Variants in FIG4 observed in about 807,000 individuals in gnomAD.
The protein encoded by FIG4 is FIG4 phosphoinositide 5-phosphatase.
A neutral mutation model predicts 118.6 loss-of-function variants in FIG4; 112 were observed. That is an observed-to-expected ratio of 0.94 (90% confidence interval 0.81 to 1.11). The LOEUF (loss-of-function observed/expected upper bound fraction) is 1.11, where lower values mean the gene tolerates loss of function less well. Ranked by LOEUF, FIG4 falls within the 50% of genes least tolerant of loss-of-function variation. The probability of loss-of-function intolerance (pLI) is 0.00; values close to 1 mark genes in which losing one functional copy is unlikely to be tolerated. For synonymous variants in FIG4, 369 were observed against 381.2 expected, an observed-to-expected ratio of 0.97 and a Z score of 0.37; for missense variants, 969 against 1,111.7, an observed-to-expected ratio of 0.87 and a Z score of 1.83.
intron 3 of FIG4, 146 bp downstream of exon 3, chr6:109,716,714 C>T: frequency 2.1e-6 from 2 of 953,916 alleles, no homozygotes; most frequent in South Asian, 1.4e-5. Context: ...CATTATCCAT[C>T]AATCAGATAG....
chr6:109,825,051 T>G, intron 22 of FIG4, 37 bp from the exon 23 acceptor site: 1 of 1,592,746 alleles, frequency 6.3e-7, no homozygotes, highest in Non-Finnish European at 8.6e-7. Context: ...CCTTATATTT[T>G]CTTTAATGCA....
At chr6:109,744,579 T>G (rs1304305854) in intron 10 of FIG4, among the ~76,000 whole-genome samples, 1 of 152,054 alleles carries the variant, frequency 6.6e-6, no homozygotes, top group Non-Finnish European at 1.5e-5. Context: ...TAGATGAGTT[T>G]ACTGAAAAAC....
intron 21 of FIG4, among the ~76,000 whole-genome samples, chr6:109,795,100 T>G (rs915360003): frequency 4.4e-5 from 1 of 22,552 alleles, no homozygotes; most frequent in Non-Finnish European, 7.4e-5. Flanking sequence ...TGCCAGTTTT[T>G]TTTTTTTTTT....
chr6:109,731,941 T>C (rs1469994110), intron 4 of FIG4, among the ~76,000 whole-genome samples: 1 of 152,212 alleles, frequency 6.6e-6, no homozygotes, highest in African/African-American at 2.4e-5. Flanking sequence ...TTTGTAATGA[T>C]TTGCATACAT....
In FIG4 at chr6:109,825,147, A is replaced by G; in HGVS notation, c.2606A>G (p.Asp869Gly). 1 of 1,614,014 alleles carries G rather than the reference A, an allele frequency of 6.2e-7. No individual in the cohort carries two copies. The highest frequency in any genetic ancestry group is 8.5e-7 in the Non-Finnish European group (1 of 1,179,898). The part of the protein sequence containing the change: ...NIYEVQPPRV[D>G]RKSTEIFQAH... ...TATGAAGTTCAGCCCCCAAGAGTAG[A>G]CAGAAAATCTACAGAGATCTTCCAA... The change falls in exon 23 of 23, where the codon GAC becomes GGC. Residue 869 changes from aspartate to glycine, a missense_variant. By Grantham distance (94) the Asp-to-Gly change is moderately conservative. Coordinates refer to ENST00000230124, the MANE Select transcript of FIG4 (RefSeq NM_014845.6).
intron 10 of FIG4, among the ~76,000 whole-genome samples, chr6:109,755,597 C>T (rs951766163): frequency 6.6e-6 from 1 of 152,162 alleles, no homozygotes; most frequent in Non-Finnish European, 1.5e-5. Flanking sequence ...TCACTCAGGA[C>T]TTGCTTAATG....
chr6:109,748,796 C>T (rs1157607849), intron 10 of FIG4, among the ~76,000 whole-genome samples: 1 of 152,010 alleles, frequency 6.6e-6, no homozygotes, highest in African/African-American at 2.4e-5. Flanking sequence ...AAAGAGAAAC[C>T]CCTTATAAAA....
intron 7 of FIG4, among the ~76,000 whole-genome samples, chr6:109,740,323 A>G (rs1776285761): frequency 6.6e-6 from 1 of 152,206 alleles, no homozygotes; most frequent in South Asian, 2.1e-4. Flanking sequence ...AAGTTTAAAC[A>G]ATGAATCTAG....
intron 22 of FIG4, among the ~76,000 whole-genome samples, chr6:109,811,069 G>C (rs752425252): frequency 1.3e-5 from 2 of 152,160 alleles, no homozygotes; most frequent in Admixed American, 6.5e-5. Context: ...CTCATGTGCA[G>C]TGTTGGTTAA....
intron 3 of FIG4, 45 bp downstream of exon 3, chr6:109,716,613 T>G: frequency 6.2e-7 from 1 of 1,609,598 alleles, no homozygotes; most frequent in Non-Finnish European, 8.5e-7. Flanking sequence ...TTTTTTGTTT[T>G]TGTCTTCTCT....
At chr6:109,767,673 G>A (rs574399970) in intron 15 of FIG4, among the ~76,000 whole-genome samples, 98 of 152,158 alleles carry the variant, frequency 6.4e-4, no homozygotes, top group Non-Finnish European at 1.0e-3. Flanking sequence ...GATCAAGACC[G>A]TCCTGGCTAA....
intron 15 of FIG4, among the ~76,000 whole-genome samples, chr6:109,775,556 T>C (rs1417575566): frequency 6.6e-6 from 1 of 152,208 alleles, no homozygotes; most frequent in Non-Finnish European, 1.5e-5. Flanking sequence ...TATTAAGTGC[T>C]ATTAAGGCTA....
intron 3 of FIG4, among the ~76,000 whole-genome samples, chr6:109,717,987 G>T (rs966053959): frequency 1.3e-5 from 2 of 152,114 alleles, no homozygotes; most frequent in African/African-American, 4.8e-5. Flanking sequence ...CCTGAGACTG[G>T]GTAATTTATA....
chr6:109,821,583 A>C (rs191662740), intron 22 of FIG4, among the ~76,000 whole-genome samples: 1 of 152,348 alleles, frequency 6.6e-6, no homozygotes, highest in African/African-American at 2.4e-5. Context: ...GTCAAGTGAT[A>C]ATTTGACAAG....
intron 3 of FIG4, among the ~76,000 whole-genome samples, chr6:109,721,005 T>A (rs924582323): frequency 1.3e-5 from 2 of 152,190 alleles, no homozygotes; most frequent in Non-Finnish European, 2.9e-5. Context: ...TCTGTTATCA[T>A]CCCAGCTCCT....
At chr6:109,738,847 TCA>T (rs1255224324) in intron 7 of FIG4, among the ~76,000 whole-genome samples, 2 of 151,722 alleles carry the variant, frequency 1.3e-5, no homozygotes, top group Non-Finnish European at 2.9e-5. Flanking sequence ...GAGAGAGAGA[TCA>T]CAGCCTGGGA....
At chr6:109,816,371 CA>C (rs755518745) in intron 22 of FIG4, among the ~76,000 whole-genome samples, 2 of 152,134 alleles carry the variant, frequency 1.3e-5, no homozygotes, top group Non-Finnish European at 2.9e-5. Context: ...TCAACGTCAT[CA>C]AAAACAAGTA....
In FIG4 at chr6:109,696,242, G is replaced by T. The variant is rs1173549167; in HGVS notation, c.66+4741G>T. On this transcript the variant is annotated intron_variant, in intron 1 of 22. Transcript: ENST00000230124. ...TGCTCTGACGGGCTGTTTTCAAACT[G>T]ATCTGTTATCCTTCCTAGTACTTCA... Among the ~76,000 whole-genome samples, 2 of 152,106 alleles carry T rather than the reference G, an allele frequency of 1.3e-5. 1 individual carries two copies. Among genetic ancestry groups the T allele is most frequent in the East Asian group, 3.8e-4 (2 of 5,198 alleles).
At chr6:109,764,407 C>T (rs973486816) in intron 13 of FIG4, among the ~76,000 whole-genome samples, 3 of 149,998 alleles carry the variant, frequency 2.0e-5, no homozygotes, top group Non-Finnish European at 3.0e-5. Flanking sequence ...CACTGCACTC[C>T]AGCCTGGGTG....
Sources: allele counts gnomAD v4.1 joint callset (sites outside exome capture counted in the v4.1 genomes callset), GRCh38; gene constraint gnomAD v4.1.1; transcripts MANE v1.5; gene names NCBI Gene and HGNC (gene_info 2026-07-23, HGNC 2026-07-21).